Variants in MET observed in about 807,000 individuals in gnomAD.
The protein encoded by MET is MET proto-oncogene, receptor tyrosine kinase, also known as hepatocyte growth factor receptor.
In MET, 48 loss-of-function variants were observed where a neutral mutation model predicts 133.1. That is an observed-to-expected ratio of 0.36 (90% CI 0.29 to 0.46). MET has a LOEUF of 0.46. Ranked by LOEUF, MET falls within the 20% of genes least tolerant of loss-of-function variation. MET has a pLI of 1.00. For missense variants in MET, 1,442 were observed against 1,695.9 expected (o/e 0.85, Z 2.63); for synonymous variants, 628 against 616.5 (o/e 1.02, Z -0.28).
intron 2 of MET, among the ~76,000 whole-genome samples, chr7:116,711,559 T>G (rs1791997100): frequency 6.6e-6 from 1 of 152,164 alleles, no homozygotes; most frequent in South Asian, 2.1e-4. Flanking sequence ...GCTTAAAAAT[T>G]TTTACTTCTT....
intron 10 of MET, among the ~76,000 whole-genome samples, chr7:116,760,511 T>C (rs993402209): frequency 3.9e-5 from 6 of 152,144 alleles, no homozygotes; most frequent in African/African-American, 1.4e-4. Context: ...CATAATCTAG[T>C]AGGACTTGAG....
At chr7:116,682,047 C>A (rs1383386383) in intron 1 of MET, among the ~76,000 whole-genome samples, 32 of 152,100 alleles carry the variant, frequency 2.1e-4, no homozygotes, top group Admixed American at 2.1e-3. Context: ...ATTTCGGTCT[C>A]ACTAACACAT....
intron 5 of MET, among the ~76,000 whole-genome samples, chr7:116,747,386 C>G (rs184036796): frequency 1.3e-5 from 2 of 152,288 alleles, no homozygotes; most frequent in Admixed American, 6.5e-5. Flanking sequence ...AGACCCATCT[C>G]ACGTGCAAAG....
chr7:116,716,486 A>AAAGAAAGG (rs1491272551), intron 2 of MET, among the ~76,000 whole-genome samples: 1 of 140,194 alleles, frequency 7.1e-6, no homozygotes, highest in African/African-American at 2.7e-5. Flanking sequence ...AGAAAGAAAG[A>AAAGAAAGG]AAGAAAGAAA....
At chr7:116,712,280 C>T (rs1792030548) in intron 2 of MET, among the ~76,000 whole-genome samples, 1 of 152,192 alleles carries the variant, frequency 6.6e-6, no homozygotes, top group Non-Finnish European at 1.5e-5. Context: ...CAACTCATCC[C>T]CTGCCCCCCA....
Position 116,796,119 on chromosome 7 carries a change from T to C in MET, c.4168T>C (p.Ser1390Pro), listed in dbSNP as rs2117114247. Residue 1390 changes from serine (S) to proline (P), a missense_variant, in exon 21 of 21, where the codon TCA becomes CCA. Ser to Pro is a moderately conservative substitution (Grantham distance 74). This residue lies in a region of MET where 94 missense variants were observed against 109.5 expected (regional missense o/e 0.86). Transcript: ENST00000397752. ...DTRPASFWETS is the reference protein window; with the variant it reads ...DTRPASFWETP ...ACGACCAGCCTCCTTCTGGGAGACATCATAGTGCTAGTACTATGTCAAAGC... is the reference window on the plus strand; with the variant it reads ...ACGACCAGCCTCCTTCTGGGAGACACCATAGTGCTAGTACTATGTCAAAGC... The C allele has an allele frequency of 6.2e-7, 1 of 1,613,678 alleles. No individual in the cohort carries two copies. Among genetic ancestry groups the C allele is most frequent in the Non-Finnish European group, 8.5e-7 (1 of 1,179,626 alleles).
intron 19 of MET, among the ~76,000 whole-genome samples, chr7:116,792,109 G>T (rs1795520166): frequency 6.6e-6 from 1 of 151,814 alleles, no homozygotes; most frequent in Non-Finnish European, 1.5e-5. Context: ...ATCAATCCTG[G>T]TGTTGATGTT....
intron 17 of MET, among the ~76,000 whole-genome samples, chr7:116,781,559 T>G (rs900602771): frequency 6.6e-6 from 1 of 152,114 alleles, no homozygotes; most frequent in Non-Finnish European, 1.5e-5. Context: ...GGGCACACTT[T>G]TTGTTGTTGT....
chr7:116,692,307 A>G (rs1392083114), intron 1 of MET, among the ~76,000 whole-genome samples: 1 of 152,216 alleles, frequency 6.6e-6, no homozygotes, highest in Non-Finnish European at 1.5e-5. Flanking sequence ...ATAAATTATG[A>G]CAGCTAAGAA....
chr7:116,681,332 G>C (rs919994891), intron 1 of MET, among the ~76,000 whole-genome samples: 1 of 145,050 alleles, frequency 6.9e-6, no homozygotes, highest in Admixed American at 6.9e-5. Flanking sequence ...AATTTATAAA[G>C]GTTTTACACC....
intron 2 of MET, among the ~76,000 whole-genome samples, chr7:116,706,974 T>C (rs1791822080): frequency 6.6e-6 from 1 of 151,966 alleles, no homozygotes; most frequent in Admixed American, 6.6e-5. Context: ...TACATATTTT[T>C]TTCTAACTAA....
At chr7:116,774,696 A>G (rs1794937360) in intron 14 of MET, among the ~76,000 whole-genome samples, 185 bp from the exon 15 acceptor site, 1 of 152,214 alleles carries the variant, frequency 6.6e-6, no homozygotes, top group Non-Finnish European at 1.5e-5. Flanking sequence ...CAAAATTAAT[A>G]CTTAGTCTAC....
chr7:116,763,316 T>C (rs1448706064), intron 11 of MET, 48 bp downstream of exon 11: 1 of 1,511,992 alleles, frequency 6.6e-7, no homozygotes, highest in Non-Finnish European at 9.2e-7. Context: ...TCAAACTTAA[T>C]TGACTTCATA....
Position 116,763,240 on chromosome 7 carries a change from T to A in MET, c.2555T>A (p.Met852Lys), listed in dbSNP as rs369758288. ...KPFEKPVMIS[M>K]GNENVLEIKG... is the part of the protein sequence containing the mutation. Reference sequence around the variant, plus strand: ...TTTGAAAAGCCAGTGATGATCTCAATGGGCAATGAAAATGTACTGGAAATT... The same window carrying A: ...TTTGAAAAGCCAGTGATGATCTCAAAGGGCAATGAAAATGTACTGGAAATT... Residue 852 changes from methionine to lysine, a missense_variant, in exon 11 of 21, where the codon ATG becomes AAG. Transcript: ENST00000397752. 1.8e-5 allele frequency: 29 copies of A among 1,613,944 alleles called. No individual in the cohort carries two copies. The African/African-American group carries it at 2.4e-4, about 13-fold the overall frequency.
chr7:116,759,581 G>A (rs1005075293), intron 10 of MET, 91 bp downstream of exon 10: 9 of 1,427,090 alleles, frequency 6.3e-6, no homozygotes, highest in Middle Eastern at 1.7e-4. Flanking sequence ...TCTCAGTTTC[G>A]CCTTTAAGGT....
chr7:116,693,527 C>T (rs1480745255), intron 1 of MET, among the ~76,000 whole-genome samples: 2 of 152,162 alleles, frequency 1.3e-5, no homozygotes, highest in Non-Finnish European at 2.9e-5. Context: ...ATTAGCTGCA[C>T]TGCCACAACT....
intron 1 of MET, among the ~76,000 whole-genome samples, chr7:116,689,559 C>CTTTTT (rs534819031): frequency 8.4e-5 from 8 of 94,810 alleles, no homozygotes; most frequent in African/African-American, 2.7e-4. Context: ...TGGGCTTACT[C>CTTTTT]TTTTTTTTTT....
At chr7:116,746,911 A>T (rs1793712499) in intron 5 of MET, among the ~76,000 whole-genome samples, 1 of 152,174 alleles carries the variant, frequency 6.6e-6, no homozygotes, top group African/African-American at 2.4e-5. Flanking sequence ...CATGTACCCT[A>T]GAACTTAAAG....
intron 2 of MET, among the ~76,000 whole-genome samples, chr7:116,716,473 GAA>G (rs1491272300): frequency 3.4e-5 from 2 of 58,436 alleles, no homozygotes; most frequent in Non-Finnish European, 6.9e-5. Context: ...GAAAGAGAAA[GAA>G]AGAAAGAAAG....
Sources: allele counts gnomAD v4.1 joint callset (sites outside exome capture counted in the v4.1 genomes callset), GRCh38; gene constraint gnomAD v4.1.1; regional missense constraint gnomAD v4.1.1; transcripts MANE v1.5; gene names NCBI Gene and HGNC (gene_info 2026-07-23, HGNC 2026-07-21).